Variants in MARCHF1 observed in about 807,000 individuals in gnomAD.
MARCHF1 encodes the protein E3 ubiquitin-protein ligase MARCHF1.
Under a neutral mutation model 54.2 loss-of-function variants are expected in MARCHF1, and 40 were observed. The observed-to-expected ratio is 0.74, with a 90% confidence interval of 0.57 to 0.96. MARCHF1 has a LOEUF of 0.96. Ranked by LOEUF, MARCHF1 falls within the 40% of genes least tolerant of loss-of-function variation. The pLI is 0.00. For synonymous variants in MARCHF1, 236 were observed against 236.3 expected, an observed-to-expected ratio of 1.00 and a Z score of 0.01; for missense variants, 586 against 656.5, an observed-to-expected ratio of 0.89 and a Z score of 1.17.
intron 2 of MARCHF1, among the ~76,000 whole-genome samples, chr4:164,028,897 T>C (rs1753822540): frequency 6.6e-6 from 1 of 152,196 alleles, no homozygotes; most frequent in Admixed American, 6.6e-5. Flanking sequence ...AAGCAGGTTG[T>C]GGTCATATAG....
At chr4:163,777,806 G>A (rs1279961875) in intron 4 of MARCHF1, among the ~76,000 whole-genome samples, 1 of 151,974 alleles carries the variant, frequency 6.6e-6, no homozygotes, top group East Asian at 1.9e-4. Flanking sequence ...GAGCAATTTG[G>A]AACATACAAT....
intron 1 of MARCHF1, among the ~76,000 whole-genome samples, chr4:164,130,937 A>T (rs930888169): frequency 2.6e-5 from 4 of 152,198 alleles, no homozygotes; most frequent in African/African-American, 9.6e-5. Context: ...GATACGAGAC[A>T]TCTTTTACAT....
intron 2 of MARCHF1, among the ~76,000 whole-genome samples, chr4:164,061,907 G>A (rs562092922): frequency 2.6e-5 from 4 of 152,108 alleles, no homozygotes; most frequent in South Asian, 4.1e-4. Flanking sequence ...AGATGACTAT[G>A]GCAATTTCTT....
intron 1 of MARCHF1, among the ~76,000 whole-genome samples, chr4:164,290,922 T>C (rs141609892): frequency 6.6e-6 from 1 of 152,074 alleles, no homozygotes; most frequent in African/African-American, 2.4e-5. Context: ...GTTACAAATA[T>C]ACTACTAGTA....
intron 5 of MARCHF1, among the ~76,000 whole-genome samples, chr4:163,636,463 A>C (rs2111015118): frequency 6.8e-6 from 1 of 147,456 alleles, no homozygotes; most frequent in African/African-American, 2.5e-5. Flanking sequence ...AGACAAACAG[A>C]GAGCCAAATC....
At chr4:163,928,849 A>G (rs781300436) in intron 3 of MARCHF1, among the ~76,000 whole-genome samples, 1 of 151,838 alleles carries the variant, frequency 6.6e-6, no homozygotes, top group Non-Finnish European at 1.5e-5. Flanking sequence ...ATTAAAATAT[A>G]TTATTTTCTT....
intron 1 of MARCHF1, among the ~76,000 whole-genome samples, chr4:164,127,838 A>G (rs1272748677): frequency 6.6e-6 from 1 of 152,200 alleles, no homozygotes; most frequent in East Asian, 1.9e-4. Flanking sequence ...TTTTCCTTCT[A>G]AACTCTAACA....
intron 2 of MARCHF1, among the ~76,000 whole-genome samples, chr4:164,039,813 T>C (rs922594959): frequency 6.6e-6 from 1 of 151,888 alleles, no homozygotes; most frequent in Non-Finnish European, 1.5e-5. Flanking sequence ...TGGTCTTTAC[T>C]GGGGATCATT....
intron 3 of MARCHF1, among the ~76,000 whole-genome samples, chr4:163,940,133 G>A (rs1751882050): frequency 6.6e-6 from 1 of 152,092 alleles, no homozygotes; most frequent in Non-Finnish European, 1.5e-5. Context: ...TGCAAATGAG[G>A]AAGAGTGCCC....
At chr4:164,369,613 A>C (rs184633430) in intron 1 of MARCHF1, among the ~76,000 whole-genome samples, 2,544 of 152,300 alleles carry the variant, frequency 0.017, 33 homozygotes, top group Non-Finnish European at 0.031. Flanking sequence ...GTACATATGT[A>C]CTTATATACT....
intron 5 of MARCHF1, among the ~76,000 whole-genome samples, chr4:163,679,980 T>G (rs533745270): frequency 0.079 from 137 of 1,730 alleles, no homozygotes; most frequent in African/African-American, 0.12. Context: ...TTTTTATCTG[T>G]TTTTTTTTTT....
intron 1 of MARCHF1, among the ~76,000 whole-genome samples, chr4:164,238,210 T>C (rs1297322619): frequency 6.6e-6 from 1 of 152,034 alleles, no homozygotes; most frequent in Non-Finnish European, 1.5e-5. Context: ...CGCATAACTG[T>C]CGGTTTAGTT....
chr4:163,818,611 T>C (rs1171015859), intron 4 of MARCHF1, among the ~76,000 whole-genome samples: 1 of 152,128 alleles, frequency 6.6e-6, no homozygotes, highest in Non-Finnish European at 1.5e-5. Flanking sequence ...CAGCCTTTTA[T>C]CTGTCCCTCA....
intron 1 of MARCHF1, among the ~76,000 whole-genome samples, chr4:164,142,632 T>C (rs1472663818): frequency 1.3e-5 from 2 of 152,014 alleles, no homozygotes; most frequent in Non-Finnish European, 2.9e-5. Flanking sequence ...GAAGGAAAAC[T>C]AACAAACAGA....
intron 3 of MARCHF1, among the ~76,000 whole-genome samples, chr4:163,939,422 T>C (rs749071433): frequency 2.0e-5 from 3 of 152,144 alleles, no homozygotes; most frequent in Non-Finnish European, 4.4e-5. Flanking sequence ...GCTAGGGAAA[T>C]GTCTGACTGG....
At chr4:163,546,423 T>G (rs1248990969) in intron 8 of MARCHF1, among the ~76,000 whole-genome samples, 1 of 152,246 alleles carries the variant, frequency 6.6e-6, no homozygotes, top group Non-Finnish European at 1.5e-5. Context: ...ATTAAAAACT[T>G]CCTTTTCAGG....
chr4:163,877,046 T>C (rs1177716341), intron 3 of MARCHF1, among the ~76,000 whole-genome samples: 1 of 152,122 alleles, frequency 6.6e-6, no homozygotes, highest in East Asian at 1.9e-4. Context: ...AAGTAGAAAG[T>C]AGTCCCCAAA....
chr4:163,968,324 T>C (rs192125254), intron 3 of MARCHF1, among the ~76,000 whole-genome samples: 1 of 152,242 alleles, frequency 6.6e-6, no homozygotes, highest in Non-Finnish European at 1.5e-5. Context: ...TCATGCTACA[T>C]AGGCAGGGCA....
At chr4:164,199,626 ACT>A (rs1206571008) in intron 1 of MARCHF1, among the ~76,000 whole-genome samples, 6 of 131,730 alleles carry the variant, frequency 4.6e-5, no homozygotes, top group African/African-American at 1.9e-4. Context: ...ACAGAGCAGG[ACT>A]CTGTCACACA....
Sources: allele counts gnomAD v4.1 joint callset (sites outside exome capture counted in the v4.1 genomes callset), GRCh38; gene constraint gnomAD v4.1.1; transcripts MANE v1.5; gene names NCBI Gene and HGNC (gene_info 2026-07-23, HGNC 2026-07-21).